Variants in FAM151A observed in about 807,000 individuals in gnomAD.
FAM151A encodes the protein family with sequence similarity 151 member A, also known as protein FAM151A.
A neutral mutation model predicts 40.4 loss-of-function variants in FAM151A; 41 were observed. The ratio of observed to expected loss-of-function variants is 1.01; its 90% confidence interval spans 0.79 to 1.32. FAM151A has a LOEUF of 1.32. FAM151A is among the 40% of genes most tolerant of loss of function. The pLI is 0.00. For synonymous variants in FAM151A, 337 were observed against 312.5 expected (o/e 1.08, Z -0.83); for missense variants, 740 against 740.4 (o/e 1.00, Z 0.01).
Position 54,623,344 on chromosome 1 carries a change from C to T in FAM151A, c.52G>A (p.Gly18Ser), listed in dbSNP as rs758346504. The change falls in exon 1 of 8, where the codon GGC becomes AGC. Residue 18 changes from glycine (G) to serine (S), a missense_variant. Physicochemically the swap from Gly to Ser is moderately conservative, Grantham distance 56 (BLOSUM62 0). Transcript: ENST00000302250. The stretch of plus-strand genomic sequence containing the variant: ...ACCACCACAGACACACAGGTAATGC[C>T]GGCAAACACCCACTTGACCTGATTC... ...SKNQVKWVFAGITCVSVVVIA... is the reference protein window; with the variant it reads ...SKNQVKWVFASITCVSVVVIA... 1.2e-5 allele frequency: 19 copies of T among 1,613,856 alleles called. No individual in the cohort carries two copies. The highest frequency in any genetic ancestry group is 2.7e-5 in the African/African-American group (2 of 74,846).
chr1:54,609,469 G>A lies in FAM151A; in HGVS notation c.1557C>T (p.His519=). 1 of 1,613,540 alleles carries A rather than the reference G, an allele frequency of 6.2e-7. No individual in the cohort carries two copies. Among genetic ancestry groups the A allele is most frequent in the Non-Finnish European group, 8.5e-7 (1 of 1,180,030 alleles). ...SFQMQAMLLG[H]STAGAIGRLL... ...GCCTGCCTATGGCTCCAGCTGTGCT[G>A]TGGCCCAGCAGCATGGCCTGCATCT... Residue 519 remains histidine, a synonymous_variant, in exon 8 of 8, where the codon CAC becomes CAT. Coordinates refer to ENST00000302250, the MANE Select transcript of FAM151A (RefSeq NM_176782.3).
chr1:54,619,816 T>C (rs1644210921), intron 2 of FAM151A, 48 bp downstream of exon 2: 4 of 1,597,856 alleles, frequency 2.5e-6, no homozygotes, highest in Admixed American at 3.3e-5. Flanking sequence ...CCCTCTGTCT[T>C]CTCTATCCCT....
chr1:54,623,060 C>T (rs1259715197), intron 1 of FAM151A, among the ~76,000 whole-genome samples: 1 of 151,968 alleles, frequency 6.6e-6, no homozygotes. Flanking sequence ...CCTGTAATCC[C>T]AGCTACTCGG....
At chr1:54,620,882 G>A (rs1184517522) in intron 1 of FAM151A, among the ~76,000 whole-genome samples, 1 of 110,166 alleles carries the variant, frequency 9.1e-6, no homozygotes, top group African/African-American at 3.0e-5. Flanking sequence ...AAAAAAGGCT[G>A]GGTTTGGTGG....
At chr1:54,613,654 C>G (rs747945549) in intron 4 of FAM151A, among the ~76,000 whole-genome samples, 3 of 152,126 alleles carry the variant, frequency 2.0e-5, no homozygotes, top group Non-Finnish European at 2.9e-5. Context: ...TTTTCTTCTT[C>G]AAAAGATGCA....
intron 3 of FAM151A, 78 bp from the exon 4 acceptor site, chr1:54,614,937 CGGGT>C (rs2101018846): frequency 6.8e-6 from 7 of 1,029,238 alleles, no homozygotes; most frequent in Non-Finnish European, 9.7e-6. Context: ...GAAAGCAGAG[CGGGT>C]GTGTGTGTGT....
In FAM151A at chr1:54,609,960, G is replaced by T; in HGVS notation, c.1085-19C>A. On this transcript the variant is annotated intron_variant, in intron 7 of 7. Coordinates refer to ENST00000302250, the MANE Select transcript of FAM151A (RefSeq NM_176782.3). ...TCTGTGTCTGGAAGAGGCGGCAGAG[G>T]CAACAGTGTTTAGGATTTGGGTTAT... The T allele has an allele frequency of 6.3e-7, 1 of 1,593,582 alleles. No individual in the cohort carries two copies. The highest frequency in any genetic ancestry group is 8.5e-7 in the Non-Finnish European group (1 of 1,174,722).
At position 54,609,676 on chromosome 1, in the gene FAM151A, C is replaced by G; in HGVS notation, c.1350G>C (p.Gly450=). 6.2e-7 allele frequency: 1 copy of G among 1,614,012 alleles called. No individual in the cohort carries two copies. The change falls in exon 8 of 8, where the codon GGG becomes GGC. Residue 450 remains glycine (G), a synonymous_variant. Coordinates refer to ENST00000302250, the MANE Select transcript of FAM151A (RefSeq NM_176782.3). ...CCACATGGCCGGGGACCGAAAAACTCCCGTGGGAGATTTTGGCCCCAACCC... is the reference window on the plus strand; with the variant it reads ...CCACATGGCCGGGGACCGAAAAACTGCCGTGGGAGATTTTGGCCCCAACCC... ...PVWVGAKISH[G]SFSVPGHVAG...
chr1:54,613,284 C>A (rs767879128), intron 4 of FAM151A, among the ~76,000 whole-genome samples: 62 of 151,922 alleles, frequency 4.1e-4, no homozygotes, highest in Non-Finnish European at 7.8e-4. Flanking sequence ...GAGGCTGAGG[C>A]AGGAAAATCG....
chr1:54,614,744 T>A lies in FAM151A; in HGVS notation c.531A>T (p.Leu177Phe). Residue 177 changes from leucine to phenylalanine, a missense_variant, in exon 4 of 8, where the codon TTA (leucine) becomes TTT (phenylalanine). By Grantham distance (22) the Leu-to-Phe change is conservative (BLOSUM62 0). Coordinates refer to ENST00000302250, the MANE Select transcript of FAM151A (RefSeq NM_176782.3). ...TTGAGATGAGCATGTTGGGGCCCTTTAAGATGTCAGCGTTGATCCATATGG... is the reference window on the plus strand; with the variant it reads ...TTGAGATGAGCATGTTGGGGCCCTTAAAGATGTCAGCGTTGATCCATATGG... ...RRPIWINADI[L>F]KGPNMLISTE... 1.9e-6 allele frequency: 3 copies of A among 1,614,048 alleles called. No individual in the cohort carries two copies. The highest frequency in any genetic ancestry group is 2.5e-6 in the Non-Finnish European group (3 of 1,179,988).
rs1262988744 is a variant in FAM151A at position 54,610,587 on chromosome 1, G to A, written c.941-32C>T. On this transcript the variant is annotated intron_variant, in intron 6 of 7. Coordinates refer to ENST00000302250, the MANE Select transcript of FAM151A (RefSeq NM_176782.3). ...GGCCCCAAATCGCCAAGGTGAAGTGGCTGCCATTCACAGAACACCTTACCT... is the reference window on the plus strand; with the variant it reads ...GGCCCCAAATCGCCAAGGTGAAGTGACTGCCATTCACAGAACACCTTACCT... 6 of 1,601,594 alleles carry A rather than the reference G, an allele frequency of 3.7e-6. No homozygotes were observed. The East Asian group carries it at 1.1e-4, about 30-fold the overall frequency.
chr1:54,610,232 T>G, intron 7 of FAM151A, 180 bp downstream of exon 7: 1 of 1,441,838 alleles, frequency 6.9e-7, no homozygotes, highest in Non-Finnish European at 9.1e-7. Flanking sequence ...CCAGGAGCCC[T>G]GTGCTCTTGA....
intron 1 of FAM151A, chr1:54,621,380 C>T (rs1644228416): frequency 6.6e-6 from 1 of 152,114 alleles, no homozygotes. Flanking sequence ...TTGCTTGAAC[C>T]TGGGAGGCGG....
intron 2 of FAM151A, among the ~76,000 whole-genome samples, chr1:54,617,241 G>A (rs114652680): frequency 1.1e-3 from 167 of 152,234 alleles, no homozygotes; most frequent in African/African-American, 3.9e-3. Flanking sequence ...AATCATGCAA[G>A]GGGCACTCAC....
In FAM151A at chr1:54,609,923, A is replaced by C. The variant is rs777810291; in HGVS notation, c.1103T>G (p.Leu368Arg). ...AGTTCCCTCGAGGCCAGTGTTCAGC[A>C]GGATCATGCCTTCTGTGTCTGGAAG... ...MTLPDTEGMI[L>R]LNTGLEGTVA... Residue 368 changes from leucine (L) to arginine (R), a missense_variant, in exon 8 of 8, where the codon CTG becomes CGG. Transcript: ENST00000302250. 7.5e-6 allele frequency: 12 copies of C among 1,606,724 alleles called. No homozygotes were observed. Among genetic ancestry groups the C allele is most frequent in the Middle Eastern group, 1.7e-4 (1 of 6,058 alleles).
intron 6 of FAM151A, chr1:54,611,000 A>T (rs1178161577): frequency 1.0e-6 from 1 of 985,314 alleles, no homozygotes; most frequent in East Asian, 1.1e-4. Context: ...GGAGCTATGC[A>T]CCAAGGGAAA....
chr1:54,614,943 T>G (rs1166662195), intron 3 of FAM151A, 84 bp from the exon 4 acceptor site: 3 of 525,104 alleles, frequency 5.7e-6, no homozygotes, highest in South Asian at 4.9e-5. Flanking sequence ...AGAGCGGGTG[T>G]GTGTGTGTGT....
intron 1 of FAM151A, chr1:54,621,849 G>C (rs1192513849): frequency 6.6e-6 from 1 of 152,410 alleles, no homozygotes; most frequent in East Asian, 1.9e-4. Flanking sequence ...GCAGCTGTTG[G>C]GGGGAAGAGA....
chr1:54,617,708 GATT>G (rs1644187436), intron 2 of FAM151A, among the ~76,000 whole-genome samples: 1 of 72,520 alleles, frequency 1.4e-5, no homozygotes, highest in African/African-American at 4.0e-5. Context: ...CAGGGCCTGA[GATT>G]TTTTTTTTTT....
Sources: allele counts gnomAD v4.1 joint callset (sites outside exome capture counted in the v4.1 genomes callset), GRCh38; gene constraint gnomAD v4.1.1; transcripts MANE v1.5; gene names NCBI Gene and HGNC (gene_info 2026-07-23, HGNC 2026-07-21).